Variants in MTTP observed in about 807,000 individuals in gnomAD.
MTTP encodes the protein microsomal triglyceride transfer protein large subunit.
Under a neutral mutation model 90.6 loss-of-function variants are expected in MTTP, and 49 were observed. The observed-to-expected ratio is 0.54, with a 90% CI of 0.43 to 0.69. The LOEUF (loss-of-function observed/expected upper bound fraction) is 0.69, where lower values mean the gene tolerates loss of function less well. Among genes scored for constraint, MTTP ranks in the 30% least tolerant of loss-of-function variants. The pLI, the probability that MTTP is intolerant of heterozygous loss-of-function variation, is 0.00. For synonymous variants in MTTP, 347 were observed against 384.2 expected (o/e 0.90, Z 1.13); for missense variants, 945 against 1,067.5 (o/e 0.89, Z 1.60).
At chr4:99,605,626 A>C (rs989875901) in intron 10 of MTTP, among the ~76,000 whole-genome samples, 1 of 152,238 alleles carries the variant, frequency 6.6e-6, no homozygotes, top group Non-Finnish European at 1.5e-5. Context: ...TTTTTCTCAC[A>C]TTATCTTCCA....
chr4:99,587,960 CA>C (rs1217467485), intron 3 of MTTP, among the ~76,000 whole-genome samples: 1 of 152,124 alleles, frequency 6.6e-6, no homozygotes, highest in Non-Finnish European at 1.5e-5. Context: ...ACACTGAGGT[CA>C]TTATTCCAGT....
At chr4:99,611,817 C>A (rs1033014095) in intron 14 of MTTP, among the ~76,000 whole-genome samples, 2 of 152,098 alleles carry the variant, frequency 1.3e-5, no homozygotes, top group African/African-American at 4.8e-5. Context: ...CCTCTCACCC[C>A]CAAGTATTTA....
intron 1 of MTTP, chr4:99,564,301 GCTC>G (rs1279225724): frequency 6.2e-6 from 9 of 1,457,376 alleles, no homozygotes; most frequent in African/African-American, 2.8e-5. Context: ...ACGAAGAAAG[GCTC>G]CTAATTTTTC....
intron 15 of MTTP, among the ~76,000 whole-genome samples, chr4:99,618,605 T>C (rs1467715025): frequency 6.6e-6 from 1 of 152,226 alleles, no homozygotes; most frequent in Non-Finnish European, 1.5e-5. Flanking sequence ...TTAGTAGGTA[T>C]GAAGGGGAAC....
At chr4:99,601,505 TA>T in intron 9 of MTTP, 101 bp from the exon 10 acceptor site, 3 of 943,868 alleles carry the variant, frequency 3.2e-6, no homozygotes, top group Non-Finnish European at 5.1e-6. Flanking sequence ...TCTAGAAACA[TA>T]AAAATACTTT....
chr4:99,577,903 T>C (rs1355689523), intron 1 of MTTP, among the ~76,000 whole-genome samples: 1 of 152,188 alleles, frequency 6.6e-6, no homozygotes, highest in Non-Finnish European at 1.5e-5. Context: ...CCAGTCTTTC[T>C]CTCAATCCCT....
chr4:99,567,708 C>G (rs1422363565), intron 1 of MTTP, among the ~76,000 whole-genome samples: 1 of 152,030 alleles, frequency 6.6e-6, no homozygotes, highest in Non-Finnish European at 1.5e-5. Context: ...TTGAACAGAA[C>G]AGAGACAATA....
intron 6 of MTTP, 81 bp downstream of exon 6, chr4:99,591,871 T>C (rs1725432107): frequency 1.3e-6 from 1 of 766,070 alleles, no homozygotes; most frequent in Non-Finnish European, 1.9e-6. Context: ...GATCTGTGTT[T>C]GTGTGTGTGT....
chr4:99,565,275 T>C (rs1476738697), intron 1 of MTTP, among the ~76,000 whole-genome samples: 1 of 152,194 alleles, frequency 6.6e-6, no homozygotes, highest in Admixed American at 6.5e-5. Flanking sequence ...CTGGCCTCCT[T>C]AGATATTTTA....
rs976383500 is a variant in MTTP, at chr4:99,623,355, G to A, written c.*507G>A. Reference sequence around the variant, plus strand: ...CTCTTTTTTTGGAGTTGGGGGCCCAGGGAGAAGGGACAAGACTTTTAAAAG... The same window carrying A: ...CTCTTTTTTTGGAGTTGGGGGCCCAAGGAGAAGGGACAAGACTTTTAAAAG... On this transcript the variant is annotated 3_prime_UTR_variant, in exon 18 of 18. Coordinates refer to ENST00000265517, the MANE Select transcript of MTTP (RefSeq NM_001386140.1). 1 of 162,454 alleles carries A rather than the reference G, an allele frequency of 6.2e-6. No individual in the cohort carries two copies. The highest frequency in any genetic ancestry group is 2.4e-5 in the African/African-American group (1 of 41,160). The allele number at this position is 162,454 out of a possible 1,614,324, so 10.1% of individuals were successfully genotyped here.
At chr4:99,599,255 T>A (rs111441437) in intron 8 of MTTP, among the ~76,000 whole-genome samples, 15,850 of 152,240 alleles carry the variant, frequency 0.1, 995 homozygotes, top group Middle Eastern at 0.2. Flanking sequence ...AAGTTTTGAA[T>A]ATTTTCTAAA....
chr4:99,622,155 G>T (rs779754555), intron 17 of MTTP, among the ~76,000 whole-genome samples: 1 of 152,152 alleles, frequency 6.6e-6, no homozygotes, highest in Non-Finnish European at 1.5e-5. Context: ...GTTATATCTA[G>T]AATGAACCTC....
intron 10 of MTTP, among the ~76,000 whole-genome samples, chr4:99,602,130 C>G (rs1276730332): frequency 6.6e-6 from 1 of 152,090 alleles, no homozygotes; most frequent in Admixed American, 6.6e-5. Context: ...GACTCTAAGT[C>G]TATCTCCTAG....
At position 99,600,553 on chromosome 4, in the gene MTTP, CT is replaced by C. The variant is rs752279560; in HGVS notation, c.1068-5del. 9.9e-6 allele frequency: 16 copies of C among 1,612,082 alleles called. No individual in the cohort carries two copies. Among genetic ancestry groups the C allele is most frequent in the African/African-American group, 1.3e-5 (1 of 74,798 alleles). ...TAAACATTGATATCCATGATTATGC[CT>C]TTTTTTATAGACCTCAGCTGGTGGA... On this transcript the variant is annotated splice_polypyrimidine_tract_variant and intron_variant, in intron 8 of 17. Transcript: ENST00000265517.
chr4:99,612,348 C>T (rs1163581522), intron 14 of MTTP, among the ~76,000 whole-genome samples: 3 of 151,214 alleles, frequency 2.0e-5, no homozygotes, highest in Non-Finnish European at 4.4e-5. Flanking sequence ...GTGTTAGCCC[C>T]CTCATGGTGT....
chr4:99,583,959 G>T, intron 3 of MTTP: 1 of 194,848 alleles, frequency 5.1e-6, no homozygotes. Context: ...TCTGGCTAAA[G>T]TACAAGGTTA....
intron 1 of MTTP, among the ~76,000 whole-genome samples, chr4:99,577,880 A>G (rs1725007726): frequency 6.6e-6 from 1 of 151,816 alleles, no homozygotes; most frequent in East Asian, 1.9e-4. Flanking sequence ...AAACCTGTAC[A>G]CTTCCTTCAT....
chr4:99,582,926 A>G (rs1432646247), intron 2 of MTTP, among the ~76,000 whole-genome samples: 1 of 152,206 alleles, frequency 6.6e-6, no homozygotes, highest in Non-Finnish European at 1.5e-5. Context: ...TCAATACAAC[A>G]GTAAACTGTT....
At chr4:99,606,999 A>G (rs1373625923) in intron 11 of MTTP, 39 bp downstream of exon 11, 1 of 1,524,154 alleles carries the variant, frequency 6.6e-7, no homozygotes, top group Non-Finnish European at 9.0e-7. Flanking sequence ...TTACAGAAGA[A>G]AAAAAAAAAG....
Sources: gnomAD v4.1 joint callset for allele counts (sites outside exome capture counted in the v4.1 genomes callset) on GRCh38, gnomAD v4.1.1 for gene constraint, MANE v1.5 for transcripts, NCBI Gene and HGNC (gene_info 2026-07-23, HGNC 2026-07-21) for gene names.